The following PDHX variants were observed in gnomAD, a reference collection of about 807,000 sequenced individuals.
PDHX encodes pyruvate dehydrogenase protein X component, mitochondrial.
PDHX carries 33 observed loss-of-function variants against 55.3 expected under a neutral mutation model. The ratio of observed to expected loss-of-function variants is 0.60; its 90% CI spans 0.45 to 0.80. The LOEUF is 0.80. Ranked by LOEUF, PDHX falls within the 30% of genes least tolerant of loss-of-function variation. PDHX has a pLI of 0.00. For missense variants in PDHX, 622 were observed against 619.9 expected (o/e 1.00, Z -0.04); for synonymous variants, 226 against 219.4 (o/e 1.03, Z -0.27).
intron 3 of PDHX, among the ~76,000 whole-genome samples, chr11:34,956,693 T>A (rs934626569): frequency 1.9e-4 from 28 of 150,738 alleles, no homozygotes; most frequent in South Asian, 4.1e-4. Flanking sequence ...ATTGGCATTA[T>A]CTGTGGAAGA....
At chr11:34,926,549 A>G (rs1027295654) in intron 1 of PDHX, among the ~76,000 whole-genome samples, 16 of 152,294 alleles carry the variant, frequency 1.1e-4, no homozygotes, top group African/African-American at 2.9e-4. Flanking sequence ...AAGCTGTACC[A>G]TATGTAAACT....
chr11:34,971,797 A>G lies in PDHX; in HGVS notation c.964+1511A>G, dbSNP rs143840662. ...TATCTAGTGGAATGGGTTGGAAAAC[A>G]TGTCCTCCTCCTTTATTTTCTGGAA... On this transcript the variant is annotated intron_variant, in intron 7 of 10. Coordinates refer to ENST00000227868, the MANE Select transcript of PDHX (RefSeq NM_003477.3). 5.3e-5 allele frequency among the ~76,000 whole-genome samples: 8 copies of G among 152,218 alleles called. No homozygotes were observed. In the East Asian group the frequency reaches 1.5e-3, roughly 29 times the overall value.
intron 2 of PDHX, among the ~76,000 whole-genome samples, chr11:34,943,670 C>T (rs1854547754): frequency 1.3e-5 from 2 of 152,144 alleles, no homozygotes; most frequent in South Asian, 4.1e-4. Context: ...ATCTTACCAG[C>T]CTAATCTCTC....
chr11:34,927,673 A>G (rs1450062725), intron 1 of PDHX, among the ~76,000 whole-genome samples: 1 of 152,122 alleles, frequency 6.6e-6, no homozygotes, highest in Non-Finnish European at 1.5e-5. Flanking sequence ...TGAAATATGT[A>G]CTTTTATTAA....
intron 3 of PDHX, among the ~76,000 whole-genome samples, chr11:34,950,451 T>C (rs1159512105): frequency 6.6e-6 from 1 of 151,054 alleles, no homozygotes; most frequent in East Asian, 1.9e-4. Context: ...TGTATACATG[T>C]GCCATGCTGG....
chr11:34,953,162 C>T (rs1854818208), intron 3 of PDHX, among the ~76,000 whole-genome samples: 1 of 152,168 alleles, frequency 6.6e-6, no homozygotes, highest in Admixed American at 6.5e-5. Flanking sequence ...TCAAGTAGAA[C>T]TACAAACCAC....
At chr11:34,930,237 T>A (rs563532856) in intron 1 of PDHX, among the ~76,000 whole-genome samples, 35 of 152,358 alleles carry the variant, frequency 2.3e-4, no homozygotes, top group African/African-American at 7.5e-4. Flanking sequence ...GCTTGCATTC[T>A]TTCTCCAGAC....
intron 5 of PDHX, among the ~76,000 whole-genome samples, chr11:34,966,369 T>A (rs1442155432): frequency 6.6e-6 from 1 of 152,226 alleles, no homozygotes; most frequent in Non-Finnish European, 1.5e-5. Context: ...ACTAATTTCC[T>A]TTTTAAAAAT....
At chr11:34,983,265 G>A (rs1855559882) in intron 8 of PDHX, among the ~76,000 whole-genome samples, 1 of 152,064 alleles carries the variant, frequency 6.6e-6, no homozygotes. Flanking sequence ...GTATTGATGG[G>A]ACGTATCTCA....
chr11:34,995,330 C>A lies in PDHX; in HGVS notation c.*158C>A. The A allele has an allele frequency of 1.4e-6, 1 of 734,924 alleles. No individual in the cohort carries two copies. Among genetic ancestry groups the A allele is most frequent in the South Asian group, 1.6e-5 (1 of 63,908 alleles). The allele number at this position is 734,924 out of a possible 1,614,324, so 45.5% of individuals were successfully genotyped here. On this transcript the variant is annotated 3_prime_UTR_variant, in exon 11 of 11. Coordinates refer to ENST00000227868, the MANE Select transcript of PDHX (RefSeq NM_003477.3). Reference sequence around the variant, plus strand: ...ATTTGACCCAGGGTGTCTTCATCTTCAATTTGGGTTTAATGTTATAGAAAT... The same window carrying A: ...ATTTGACCCAGGGTGTCTTCATCTTAAATTTGGGTTTAATGTTATAGAAAT...
intron 9 of PDHX, among the ~76,000 whole-genome samples, chr11:34,987,752 G>A (rs1424288250): frequency 1.3e-5 from 2 of 149,180 alleles, no homozygotes; most frequent in South Asian, 2.1e-4. Context: ...GTGTGTGTAT[G>A]TGTGTGTGTG....
chr11:34,978,907 C>A (rs972860551), intron 8 of PDHX, among the ~76,000 whole-genome samples: 1 of 152,118 alleles, frequency 6.6e-6, no homozygotes, highest in African/African-American at 2.4e-5. Flanking sequence ...CTAATGTGAT[C>A]TGACTTATAC....
intron 2 of PDHX, among the ~76,000 whole-genome samples, chr11:34,936,831 C>A (rs1284484108): frequency 7.8e-6 from 1 of 128,792 alleles, no homozygotes; most frequent in Non-Finnish European, 1.6e-5. Context: ...ACTCTGTCAC[C>A]CAGGCTGTAG....
intron 1 of PDHX, among the ~76,000 whole-genome samples, chr11:34,927,337 C>T (rs1407042854): frequency 6.6e-6 from 1 of 152,004 alleles, no homozygotes; most frequent in East Asian, 1.9e-4. Flanking sequence ...TACTAGGAAA[C>T]GTAATTGGTG....
In PDHX at chr11:34,916,822, G is replaced by A; in HGVS notation, c.160+7G>A. The A allele has an allele frequency of 6.4e-7, 1 of 1,565,028 alleles. No individual in the cohort carries two copies. The highest frequency in any genetic ancestry group is 8.7e-7 in the Non-Finnish European group (1 of 1,154,952). On this transcript the variant is annotated splice_region_variant and intron_variant, in intron 1 of 10. Coordinates refer to ENST00000227868, the MANE Select transcript of PDHX (RefSeq NM_003477.3). ...AGCACGCAGTGGCTTCGGGGTGAGT[G>A]GCCGGGGCTCGCTCAGCTTCTCTGT...
intron 3 of PDHX, among the ~76,000 whole-genome samples, chr11:34,954,612 CT>C (rs1281069967): frequency 2.0e-5 from 3 of 152,212 alleles, no homozygotes. Flanking sequence ...GCATGAATTT[CT>C]AACCCATACC....
In PDHX at chr11:34,969,311, AT is replaced by A. The variant is rs1855203191; in HGVS notation, c.817-825del. 4.7e-5 allele frequency among the ~76,000 whole-genome samples: 7 copies of A among 149,456 alleles called. No individual in the cohort carries two copies. In the South Asian group the frequency reaches 1.3e-3, roughly 27 times the overall value. On this transcript the variant is annotated intron_variant, in intron 6 of 10. Transcript: ENST00000227868. ...CTATATATTAATAGTTGGTTTGTTGATTTATTGGCTGTTTTATTTCAGGTGG... is the reference window on the plus strand; with the variant it reads ...CTATATATTAATAGTTGGTTTGTTGATTATTGGCTGTTTTATTTCAGGTGG...
At chr11:34,927,702 A>G (rs1854056973) in intron 1 of PDHX, among the ~76,000 whole-genome samples, 1 of 152,136 alleles carries the variant, frequency 6.6e-6, no homozygotes, top group Non-Finnish European at 1.5e-5. Context: ...TGCTTATGAA[A>G]TGATTTTTCT....
chr11:34,931,541 G>GTTTTT, intron 2 of PDHX, 57 bp downstream of exon 2: 1 of 744,010 alleles, frequency 1.3e-6, no homozygotes, highest in South Asian at 1.6e-5. Flanking sequence ...ATTTTGTTTT[G>GTTTTT]TTTTTTTTTT....
Sources: allele counts gnomAD v4.1 joint callset (sites outside exome capture counted in the v4.1 genomes callset), GRCh38; gene constraint gnomAD v4.1.1; transcripts MANE v1.5; gene names NCBI Gene and HGNC (gene_info 2026-07-23, HGNC 2026-07-21).